PHLPP2: variants seen among roughly 807,000 people sequenced by gnomAD.
The protein encoded by PHLPP2 is PH domain leucine-rich repeat-containing protein phosphatase 2.
A neutral mutation model predicts 124.9 loss-of-function variants in PHLPP2; 66 were observed. The observed-to-expected ratio is 0.53, with a 90% CI of 0.43 to 0.65. The LOEUF is 0.65. PHLPP2 is among the 30% of genes least tolerant of loss of function. The pLI is 0.00. For synonymous variants in PHLPP2, 681 were observed against 624.7 expected (o/e 1.09, Z -1.34); for missense variants, 1,685 against 1,600.4 (o/e 1.05, Z -0.90).
chr16:71,680,990 A>G (rs2044991906), intron 6 of PHLPP2, among the ~76,000 whole-genome samples: 1 of 152,220 alleles, frequency 6.6e-6, no homozygotes, highest in South Asian at 2.1e-4. Context: ...AGATGAGATT[A>G]AAAAAACAAC....
At chr16:71,661,234 C>A (rs777378154) in intron 13 of PHLPP2, among the ~76,000 whole-genome samples, 46 of 151,710 alleles carry the variant, frequency 3.0e-4, no homozygotes, top group Non-Finnish European at 4.1e-4. Flanking sequence ...CCACACTCAG[C>A]TGATTTTTGT....
At chr16:71,711,729 A>G (rs995676994) in intron 2 of PHLPP2, among the ~76,000 whole-genome samples, 4 of 152,244 alleles carry the variant, frequency 2.6e-5, no homozygotes, top group African/African-American at 9.6e-5. Flanking sequence ...TTCGGTGAAC[A>G]TACTTCAGTA....
chr16:71,699,946 G>T (rs536544383), intron 3 of PHLPP2, among the ~76,000 whole-genome samples: 2 of 152,124 alleles, frequency 1.3e-5, no homozygotes, highest in Non-Finnish European at 2.9e-5. Context: ...CAGTGAACAC[G>T]GTTTGTTCCC....
intron 2 of PHLPP2, among the ~76,000 whole-genome samples, chr16:71,705,137 C>T (rs1231409535): frequency 6.6e-6 from 1 of 152,188 alleles, no homozygotes; most frequent in Admixed American, 6.5e-5. Flanking sequence ...GGAGAGCCAT[C>T]TGTCACAGAC....
intron 11 of PHLPP2, 111 bp downstream of exon 11, chr16:71,669,164 G>A (rs751168483): frequency 3.0e-6 from 2 of 667,744 alleles, no homozygotes; most frequent in Non-Finnish European, 5.3e-6. Context: ...TGCTCAGCAG[G>A]TACTCAACAC....
At chr16:71,685,741 T>G (rs1023064746) in intron 4 of PHLPP2, among the ~76,000 whole-genome samples, 1 of 152,208 alleles carries the variant, frequency 6.6e-6, no homozygotes, top group Admixed American at 6.6e-5. Context: ...TTTGGAATGC[T>G]TGACATTGAA....
intron 10 of PHLPP2, 23 bp from the exon 11 acceptor site, chr16:71,669,393 T>C (rs1166233859): frequency 6.6e-7 from 1 of 1,521,840 alleles, no homozygotes; most frequent in East Asian, 2.2e-5. Flanking sequence ...AATAATTAAA[T>C]GGCACCATTT....
intron 3 of PHLPP2, among the ~76,000 whole-genome samples, chr16:71,692,465 G>C (rs1285324483): frequency 6.6e-6 from 1 of 152,120 alleles, no homozygotes; most frequent in Non-Finnish European, 1.5e-5. Flanking sequence ...ATTTAACCAT[G>C]TGTTTCCCAT....
At chr16:71,684,680 G>A (rs2045036910) in intron 4 of PHLPP2, 79 bp from the exon 5 acceptor site, 11 of 1,326,974 alleles carry the variant, frequency 8.3e-6, no homozygotes, top group South Asian at 8.0e-5. Flanking sequence ...ATCACAAGAC[G>A]AACAACTGAA....
intron 6 of PHLPP2, among the ~76,000 whole-genome samples, chr16:71,680,164 T>C (rs528879516): frequency 2.0e-5 from 3 of 152,336 alleles, no homozygotes; most frequent in African/African-American, 7.2e-5. Context: ...TCATACTTGA[T>C]ATGCTTGAAA....
Position 71,676,431 on chromosome 16 carries a change from T to A in PHLPP2, c.1471+16A>T. ...AGCTGAAAGAGAAAAAACAAAAGGC[T>A]GCAGAGAAAACTCACTGTTGGAACT... is the stretch of plus-strand genomic sequence containing the variant. On this transcript the variant is annotated intron_variant, in intron 9 of 18. Transcript: ENST00000568954. 1 of 1,606,518 alleles carries A rather than the reference T, an allele frequency of 6.2e-7. No individual in the cohort carries two copies. Among genetic ancestry groups the A allele is most frequent in the Non-Finnish European group, 8.5e-7 (1 of 1,173,222 alleles).
At chr16:71,697,920 T>C (rs2045190435) in intron 3 of PHLPP2, among the ~76,000 whole-genome samples, 3 of 147,368 alleles carry the variant, frequency 2.0e-5, no homozygotes, top group African/African-American at 7.5e-5. Context: ...CCATCTCAGC[T>C]CACTGCAAGC....
intron 9 of PHLPP2, among the ~76,000 whole-genome samples, chr16:71,676,000 C>A (rs998291543): frequency 3.3e-5 from 5 of 151,966 alleles, no homozygotes; most frequent in Non-Finnish European, 7.4e-5. Flanking sequence ...GGATTACAGG[C>A]ATGAGCCCCC....
At chr16:71,667,845 T>C (rs975438202) in intron 11 of PHLPP2, among the ~76,000 whole-genome samples, 2 of 152,254 alleles carry the variant, frequency 1.3e-5, no homozygotes, top group African/African-American at 4.8e-5. Flanking sequence ...AATTAAGGTT[T>C]GACTCCAAAG....
chr16:71,709,358 A>G (rs918264909), intron 2 of PHLPP2, among the ~76,000 whole-genome samples: 1 of 152,182 alleles, frequency 6.6e-6, no homozygotes, highest in Non-Finnish European at 1.5e-5. Context: ...TACACACCCT[A>G]TTGGTTCTAA....
At chr16:71,685,911 G>C (rs1424083451) in intron 4 of PHLPP2, among the ~76,000 whole-genome samples, 2 of 152,092 alleles carry the variant, frequency 1.3e-5, no homozygotes, top group Non-Finnish European at 2.9e-5. Flanking sequence ...AAATATTCAT[G>C]GTAAAATGTT....
intron 13 of PHLPP2, among the ~76,000 whole-genome samples, chr16:71,661,716 T>C (rs1225700309): frequency 6.6e-6 from 1 of 152,164 alleles, no homozygotes; most frequent in East Asian, 1.9e-4. Context: ...GGTTCACACC[T>C]ATAATCCCAG....
chr16:71,655,257 G>T lies in PHLPP2; in HGVS notation c.2568C>A (p.Thr856=). The stretch of plus-strand genomic sequence containing the variant: ...CTGCTTACCTGTGAGATACCAAGAA[G>T]GTGTTAGCCATGAAAACTGTGTCAT... ...STNDTVFMAN[T]FLVSHRKLGM... The change falls in exon 17 of 19, where the codon ACC becomes ACA. Residue 856 remains threonine (T), a synonymous_variant. Coordinates refer to ENST00000568954, the MANE Select transcript of PHLPP2 (RefSeq NM_015020.3). 6.2e-7 allele frequency: 1 copy of T among 1,612,054 alleles called. No homozygotes were observed. The highest frequency in any genetic ancestry group is 8.5e-7 in the Non-Finnish European group (1 of 1,178,178).
At chr16:71,670,327 A>G (rs558490698) in intron 10 of PHLPP2, among the ~76,000 whole-genome samples, 2 of 152,322 alleles carry the variant, frequency 1.3e-5, no homozygotes, top group Admixed American at 1.3e-4. Flanking sequence ...CCTTGGGGAT[A>G]ATCGACCTTT....
Sources: gnomAD v4.1 joint callset for allele counts (sites outside exome capture counted in the v4.1 genomes callset) on GRCh38, gnomAD v4.1.1 for gene constraint, MANE v1.5 for transcripts, NCBI Gene and HGNC (gene_info 2026-07-23, HGNC 2026-07-21) for gene names.